TCF20: variants seen among roughly 807,000 people sequenced by gnomAD.
TCF20 encodes the protein SPRE-binding protein.
TCF20 carries 3 observed loss-of-function variants against 148.6 expected under a neutral mutation model. The ratio of observed to expected loss-of-function variants is 0.02; its 90% confidence interval spans 0.01 to 0.05. The LOEUF is 0.05. Ranked by LOEUF, TCF20 falls within the 10% of genes least tolerant of loss-of-function variation. TCF20 has a pLI of 1.00. For missense variants in TCF20, 2,350 were observed against 2,429.3 expected (o/e 0.97, Z 0.69); for synonymous variants, 1,049 against 909.5 (o/e 1.15, Z -2.76).
chr22:42,273,398 G>C (rs1412684814), upstream of TCF20, among the ~76,000 whole-genome samples: 2 of 144,054 alleles, frequency 1.4e-5, no homozygotes, highest in African/African-American at 5.1e-5. Context: ...ATTCAGTGCA[G>C]TACCAGGCAC....
chr22:42,283,205 C>T (rs548558523), intron 1 of TCF20, among the ~76,000 whole-genome samples: 3 of 152,362 alleles, frequency 2.0e-5, no homozygotes, highest in African/African-American at 7.2e-5. Context: ...GCCCAACTCG[C>T]AGCAGACCAC....
chr22:42,248,428 T>C (rs1001571554), intron 1 of TCF20, among the ~76,000 whole-genome samples: 7 of 152,196 alleles, frequency 4.6e-5, no homozygotes, highest in African/African-American at 1.7e-4. Flanking sequence ...CTGACTTTAT[T>C]GGGTTATTCT....
chr22:42,202,485 T>A (rs1002798193), intron 2 of TCF20, among the ~76,000 whole-genome samples: 3 of 152,240 alleles, frequency 2.0e-5, no homozygotes. Flanking sequence ...GTCCTGGAAT[T>A]CATATGAAGC....
At chr22:42,203,267 A>AT (rs1396616339) in intron 2 of TCF20, among the ~76,000 whole-genome samples, 19 of 152,214 alleles carry the variant, frequency 1.2e-4, no homozygotes, top group African/African-American at 4.3e-4. Context: ...GGCTCAGGTA[A>AT]TCCAAAGTGC....
At chr22:42,209,062 G>A (rs1405414518) in intron 2 of TCF20, among the ~76,000 whole-genome samples, 2 of 152,172 alleles carry the variant, frequency 1.3e-5, no homozygotes, top group Non-Finnish European at 2.9e-5. Flanking sequence ...CAGGAAGAAC[G>A]ACTGCAAGAC....
intron 2 of TCF20, among the ~76,000 whole-genome samples, chr22:42,191,137 C>G (rs1468810542): frequency 6.6e-6 from 1 of 152,158 alleles, no homozygotes; most frequent in East Asian, 1.9e-4. Context: ...CTCAAGAAGG[C>G]CTGGTTTAGT....
At chr22:42,244,210 C>T (rs1924712750) in intron 1 of TCF20, among the ~76,000 whole-genome samples, 1 of 152,118 alleles carries the variant, frequency 6.6e-6, no homozygotes, top group African/African-American at 2.4e-5. Context: ...AATATTCAGC[C>T]ACTGTGAAAA....
chr22:42,204,386 T>TG (rs1938244881), intron 2 of TCF20, among the ~76,000 whole-genome samples: 1 of 152,014 alleles, frequency 6.6e-6, no homozygotes, highest in Non-Finnish European at 1.5e-5. Context: ...TTCCAGCTAC[T>TG]GGGGAGGCTG....
chr22:42,258,374 C>T (rs1925855933), intron 1 of TCF20, among the ~76,000 whole-genome samples: 2 of 152,144 alleles, frequency 1.3e-5, no homozygotes, highest in African/African-American at 2.4e-5. Context: ...CGCACCTCTG[C>T]TCTCCTGTGG....
upstream of TCF20, among the ~76,000 whole-genome samples, chr22:42,286,607 G>C (rs2044649088): frequency 7.2e-5 from 11 of 152,314 alleles, 1 homozygote; most frequent in South Asian, 2.3e-3. Context: ...ATCTGATCAG[G>C]GTAATCAGAG....
upstream of TCF20, among the ~76,000 whole-genome samples, chr22:42,285,645 AT>A: frequency 6.6e-6 from 1 of 151,440 alleles, no homozygotes; most frequent in Admixed American, 6.6e-5. This position sits in a 1 kb window ranked among gnomAD's most constrained non-coding sequence, Gnocchi z 4.2. Context: ...TTATTATTTT[AT>A]TTTTTTTGTA....
intron 1 of TCF20, among the ~76,000 whole-genome samples, chr22:42,220,880 C>T (rs1043701649): frequency 3.9e-4 from 60 of 152,238 alleles, no homozygotes; most frequent in African/African-American, 1.4e-3. Context: ...ACCACTTCAT[C>T]CTCTGCCCTT....
intron 1 of TCF20, chr22:42,276,463 T>A (rs932218597): frequency 6.6e-6 from 1 of 152,346 alleles, no homozygotes; most frequent in East Asian, 1.9e-4. Flanking sequence ...CTGACTCTTA[T>A]GTGCTGGCTC....
chr22:42,282,551 C>A (rs1215578567), intron 1 of TCF20, among the ~76,000 whole-genome samples: 2 of 152,250 alleles, frequency 1.3e-5, no homozygotes, highest in Non-Finnish European at 2.9e-5. Flanking sequence ...TTCTGCAAAG[C>A]CCCATCCCAG....
At chr22:42,189,215 G>A (rs1324321185) in intron 2 of TCF20, among the ~76,000 whole-genome samples, 1 of 152,184 alleles carries the variant, frequency 6.6e-6, no homozygotes, top group East Asian at 1.9e-4. Flanking sequence ...AGACTTCGAA[G>A]GTAAAACCGA....
At chr22:42,246,769 C>G (rs1367621687) in intron 1 of TCF20, among the ~76,000 whole-genome samples, 3 of 151,782 alleles carry the variant, frequency 2.0e-5, no homozygotes, top group East Asian at 3.9e-4. Flanking sequence ...AGTTTGAGAC[C>G]AGCCTGGCCA....
chr22:42,261,572 C>T (rs1285557019), intron 1 of TCF20, among the ~76,000 whole-genome samples: 1 of 151,930 alleles, frequency 6.6e-6, no homozygotes, highest in Non-Finnish European at 1.5e-5. Flanking sequence ...TTTTTGAGAC[C>T]TTTGTGGATG....
At chr22:42,169,762 C>T in intron 4 of TCF20, 85 bp downstream of exon 4, 17 of 1,426,002 alleles carry the variant, frequency 1.2e-5, no homozygotes, top group Non-Finnish European at 1.7e-5. Flanking sequence ...TGGGTGAGGC[C>T]CACCAACACC....
chr22:42,314,478 C>T (rs1446771880), intron 1 of TCF20, among the ~76,000 whole-genome samples: 6 of 152,228 alleles, frequency 3.9e-5, no homozygotes, highest in South Asian at 4.1e-4. Flanking sequence ...CTGCGGCAGG[C>T]GGGCAGGCGG....
Sources: gnomAD v4.1 joint callset for allele counts (sites outside exome capture counted in the v4.1 genomes callset) on GRCh38, gnomAD v4.1.1 for gene constraint, Gnocchi (gnomAD v3.1) non-coding constraint, MANE v1.5 for transcripts, NCBI Gene and HGNC (gene_info 2026-07-23, HGNC 2026-07-21) for gene names.